CRYAB: variants seen among roughly 807,000 people sequenced by gnomAD.
CRYAB encodes the protein alpha-crystallin B chain.
CRYAB carries 9 observed loss-of-function variants against 12.7 expected under a neutral mutation model. That is an observed-to-expected ratio of 0.71 (90% CI 0.43 to 1.24). CRYAB has a LOEUF of 1.24. Among genes scored for constraint, CRYAB ranks in the 50% most tolerant of loss-of-function variants. CRYAB has a pLI of 0.00. For missense variants in CRYAB, 183 were observed against 226.6 expected (o/e 0.81, Z 1.24); for synonymous variants, 93 against 86.8 (o/e 1.07, Z -0.40).
upstream of CRYAB, chr11:111,911,909 C>T: frequency 1.7e-6 from 1 of 602,150 alleles, no homozygotes; most frequent in East Asian, 2.8e-5. Flanking sequence ...GACACATACC[C>T]AGTACTCACT....
chr11:111,914,417 T>C (rs2137391872), upstream of CRYAB, among the ~76,000 whole-genome samples: 1 of 152,312 alleles, frequency 6.6e-6, no homozygotes, highest in Middle Eastern at 3.4e-3. Context: ...TGTCTGGCCC[T>C]TTTTGGGTAG....
chr11:111,913,097 C>T (rs1965522668), upstream of CRYAB: 1 of 639,540 alleles, frequency 1.6e-6, no homozygotes, highest in Non-Finnish European at 2.9e-6. Flanking sequence ...TTTCCCATTC[C>T]TGCTGACCTC....
chr11:111,913,000 C>A, upstream of CRYAB: 1 of 958,154 alleles, frequency 1.0e-6, no homozygotes, highest in Non-Finnish European at 1.5e-6. Flanking sequence ...ACGTTGCTGG[C>A]CTCCACCCCA....
chr11:111,920,415 G>T (rs1965672820), intron 1 of CRYAB, among the ~76,000 whole-genome samples: 2 of 151,976 alleles, frequency 1.3e-5, no homozygotes, highest in Admixed American at 1.3e-4. Context: ...GCACACGCCT[G>T]TAATCTGAGC....
intron 2 of CRYAB, 130 bp downstream of exon 2, chr11:111,910,197 G>C (rs782146253): frequency 8.8e-7 from 1 of 1,130,816 alleles, no homozygotes; most frequent in Admixed American, 1.8e-5. Context: ...ACATTGATTT[G>C]TAACCCCTGA....
intron 1 of CRYAB, among the ~76,000 whole-genome samples, chr11:111,921,926 AG>A (rs1334173876): frequency 6.6e-6 from 1 of 151,852 alleles, no homozygotes; most frequent in Non-Finnish European, 1.5e-5. Flanking sequence ...TTAGCCTCCC[AG>A]GTGTAAGCGA....
chr11:111,908,861 G>C lies in CRYAB; in HGVS notation c.431C>G (p.Thr144Ser). ...GACCTGTTTCCTTGGTCCATTCACA[G>C]TGAGGACCCCATCAGATGACAGGGA... ...TSSLSSDGVLTVNGPRKQVSG... is the reference protein window; with the variant it reads ...TSSLSSDGVLSVNGPRKQVSG... Residue 144 changes from threonine to serine, a missense_variant, in exon 3 of 3, where the codon ACT (threonine) becomes AGT (serine). Coordinates refer to ENST00000650687, the MANE Select transcript of CRYAB (RefSeq NM_001289808.2). 1 of 1,614,170 alleles carries C rather than the reference G, an allele frequency of 6.2e-7. No individual in the cohort carries two copies. Among genetic ancestry groups the C allele is most frequent in the African/African-American group, 1.3e-5 (1 of 75,078 alleles).
intron 1 of CRYAB, among the ~76,000 whole-genome samples, chr11:111,920,561 T>A (rs1297769762): frequency 1.3e-5 from 2 of 148,922 alleles, no homozygotes; most frequent in Non-Finnish European, 3.0e-5. Flanking sequence ...AAAAGGAGTT[T>A]GAGACCAGCC....
upstream of CRYAB, among the ~76,000 whole-genome samples, chr11:111,917,667 T>A (rs1415461203): frequency 6.6e-6 from 1 of 150,880 alleles, no homozygotes; most frequent in Non-Finnish European, 1.5e-5. Context: ...AAAAAAGACC[T>A]TGTCTCTAAA....
rs1555165292 is a variant in CRYAB, at chr11:111,909,141, A to G, written c.325-174T>C. The G allele has an allele frequency of 5.7e-6, 4 of 700,092 alleles. No individual in the cohort carries two copies. In the South Asian group the frequency reaches 6.0e-5, roughly 10 times the overall value. 43.4% of individuals were successfully genotyped at this position (700,092 alleles called of 1,614,324 possible). A position where few individuals can be genotyped will look rare whatever the true frequency, so the allele number is the denominator to read the frequency against. The stretch of plus-strand genomic sequence containing the variant: ...GCAGCTAAGATGAAATTGCCTAGGT[A>G]GTCACTCCTACCAGTGAGAATCTGA... On this transcript the variant is annotated intron_variant, in intron 2 of 2. Transcript: ENST00000650687.
At chr11:111,910,546 G>A (rs1592508404) in intron 1 of CRYAB, 97 bp from the exon 2 acceptor site, 9 of 1,444,698 alleles carry the variant, frequency 6.2e-6, no homozygotes, top group Middle Eastern at 4.5e-4. Context: ...CTTTCTGTCC[G>A]GGTAATTCAT....
rs930811941 is a variant in CRYAB, at chr11:111,911,690, C to T, written c.35G>A (p.Arg12His). 3.7e-6 allele frequency: 6 copies of T among 1,600,726 alleles called. No homozygotes were observed. The highest frequency in any genetic ancestry group is 1.7e-5 in the Admixed American group (1 of 57,484). ...GGGGGAGTGGAAAGGAAAGAAGGGG[C>T]GGCGGATCCAGGGGTGGTGGATGGC... ...DIAIHHPWIR[R>H]PFFPFHSPSR... Residue 12 changes from arginine to histidine, a missense_variant, in exon 1 of 3, where the codon CGC becomes CAC. Around this residue, in one of 3 missense-constraint regions of CRYAB, gnomAD observed 86 missense variants for 96.1 expected, o/e 0.89. Coordinates refer to ENST00000650687, the MANE Select transcript of CRYAB (RefSeq NM_001289808.2).
At chr11:111,914,430 G>T (rs1455206931), upstream of CRYAB, among the ~76,000 whole-genome samples, 4 of 152,188 alleles carry the variant, frequency 2.6e-5, no homozygotes, top group Non-Finnish European at 5.9e-5. Flanking sequence ...TTGGGTAGGG[G>T]CTGGGAAAAT....
chr11:111,916,226 C>T (rs587768886), upstream of CRYAB, among the ~76,000 whole-genome samples: 6 of 151,920 alleles, frequency 3.9e-5, no homozygotes, highest in East Asian at 9.7e-4. Context: ...GCTAAACATG[C>T]CTAGTTCTTT....
upstream of CRYAB, among the ~76,000 whole-genome samples, chr11:111,914,691 A>G (rs776821598): frequency 6.6e-6 from 1 of 152,204 alleles, no homozygotes; most frequent in African/African-American, 2.4e-5. Context: ...ATCCAGCTAC[A>G]TGATTTGGGG....
Position 111,911,742 on chromosome 11 carries a change from G to A in CRYAB, c.-18C>T, listed in dbSNP as rs1310051530. On this transcript the variant is annotated 5_prime_UTR_variant, in exon 1 of 3. Transcript: ENST00000650687. ...ATGTCCATGGTGGCTAGGTGAGTGT[G>A]AGGGGTCAGCTGGCTGGTCAGCTCC... 1.9e-6 allele frequency: 3 copies of A among 1,554,304 alleles called. No homozygotes were observed. The highest frequency in any genetic ancestry group is 2.6e-6 in the Non-Finnish European group (3 of 1,143,546).
upstream of CRYAB, chr11:111,913,193 C>G (rs901721845): frequency 1.7e-6 from 1 of 604,144 alleles, no homozygotes; most frequent in Non-Finnish European, 3.0e-6. Flanking sequence ...CCACCCAGGC[C>G]GTTTGGTGCC....
chr11:111,923,636 C>A (rs1412909738), intron 1 of CRYAB: 1 of 152,170 alleles, frequency 6.6e-6, no homozygotes, highest in Non-Finnish European at 1.5e-5. Flanking sequence ...ATTGGGGACC[C>A]CAGGGGCTCA....
chr11:111,920,176 C>T (rs1465032828), intron 1 of CRYAB, among the ~76,000 whole-genome samples: 1 of 151,894 alleles, frequency 6.6e-6, no homozygotes, highest in Non-Finnish European at 1.5e-5. Context: ...CCCTGGGTGA[C>T]AGAGCAAGAC....
Sources: allele counts gnomAD v4.1 joint callset (sites outside exome capture counted in the v4.1 genomes callset), GRCh38; gene constraint gnomAD v4.1.1; regional missense constraint gnomAD v4.1.1; transcripts MANE v1.5; gene names NCBI Gene and HGNC (gene_info 2026-07-23, HGNC 2026-07-21).